EML6: variants seen among roughly 807,000 people sequenced by gnomAD.
EML6 encodes EMAP like 6, also known as echinoderm microtubule-associated protein-like 6.
A neutral mutation model predicts 240.1 loss-of-function variants in EML6; 154 were observed. The observed-to-expected ratio is 0.64, with a 90% CI of 0.56 to 0.73. The LOEUF (loss-of-function observed/expected upper bound fraction) is 0.73, where lower values mean the gene tolerates loss of function less well. EML6 is among the 30% of genes least tolerant of loss of function. The probability of loss-of-function intolerance (pLI) is 0.00; values close to 1 mark genes in which losing one functional copy is unlikely to be tolerated. For missense variants in EML6, 2,964 were observed against 2,474.6 expected, an observed-to-expected ratio of 1.20 and a Z score of -4.20; for synonymous variants, 1,148 against 899.0, an observed-to-expected ratio of 1.28 and a Z score of -4.95.
chr2:54,811,548 C>G (rs892164326), intron 2 of EML6, among the ~76,000 whole-genome samples: 1 of 152,086 alleles, frequency 6.6e-6, no homozygotes, highest in Non-Finnish European at 1.5e-5. Flanking sequence ...ATGTCTCTTT[C>G]CTCTGAAAGT....
At chr2:54,925,073 G>T (rs1674471280) in intron 26 of EML6, among the ~76,000 whole-genome samples, 1 of 152,208 alleles carries the variant, frequency 6.6e-6, no homozygotes, top group African/African-American at 2.4e-5. Flanking sequence ...TGTATTTGGA[G>T]ATAGGTCATT....
At position 54,903,112 on chromosome 2, in the gene EML6, C is replaced by T. The variant is rs921672741; in HGVS notation, c.3193C>T (p.Leu1065=). 14 of 1,551,636 alleles carry T rather than the reference C, an allele frequency of 9.0e-6. No individual in the cohort carries two copies. In the Admixed American group the frequency reaches 1.2e-4, roughly 13 times the overall value. The part of the protein sequence containing the change: ...LAVGLNDGSF[L]VVNADTVEDM... ...GGTTGGCTTGAACGATGGGAGTTTC[C>T]TGGTGGTAAATGCTGACACTGTTGA... Residue 1065 remains leucine (L), a synonymous_variant, in exon 23 of 42, where the codon CTG becomes TTG. Transcript: ENST00000356458.
intron 31 of EML6, among the ~76,000 whole-genome samples, chr2:54,953,440 G>A (rs189293309): frequency 2.3e-4 from 35 of 152,214 alleles, no homozygotes; most frequent in East Asian, 2.1e-3. Context: ...AGTTTCCTTC[G>A]TATAAAATCC....
chr2:54,742,251 T>C (rs1171510110), intron 2 of EML6, among the ~76,000 whole-genome samples: 1 of 152,202 alleles, frequency 6.6e-6, no homozygotes, highest in Non-Finnish European at 1.5e-5. Flanking sequence ...CCATTATCTC[T>C]TGCCACAGCT....
At chr2:54,797,814 A>G (rs1263784438) in intron 2 of EML6, among the ~76,000 whole-genome samples, 1 of 152,192 alleles carries the variant, frequency 6.6e-6, no homozygotes, top group South Asian at 2.1e-4. Context: ...TGGGCAAGTT[A>G]CTTGACTTCT....
chr2:54,872,586 C>T (rs1021036720), intron 16 of EML6, among the ~76,000 whole-genome samples: 2 of 152,190 alleles, frequency 1.3e-5, no homozygotes, highest in African/African-American at 2.4e-5. Flanking sequence ...CATGGATTCC[C>T]CTTGGTTGGC....
chr2:54,830,912 A>T (rs1668837296), intron 7 of EML6, among the ~76,000 whole-genome samples: 1 of 152,206 alleles, frequency 6.6e-6, no homozygotes, highest in Admixed American at 6.5e-5. Context: ...CTAGGCACAG[A>T]GTTTGGCATA....
chr2:54,859,766 A>G, intron 12 of EML6, 65 bp downstream of exon 12: 26 of 1,360,794 alleles, frequency 1.9e-5, no homozygotes, highest in Non-Finnish European at 2.5e-5. Context: ...AGAATGGTCT[A>G]ACATGTATTC....
At chr2:54,865,306 C>T (rs1447195227) in intron 13 of EML6, among the ~76,000 whole-genome samples, 3 of 117,852 alleles carry the variant, frequency 2.5e-5, no homozygotes, top group East Asian at 2.5e-4. Context: ...CTAGTTAACA[C>T]AGTCTCTGTA....
intron 24 of EML6, among the ~76,000 whole-genome samples, chr2:54,908,924 T>C (rs1389425923): frequency 2.0e-5 from 3 of 152,188 alleles, no homozygotes; most frequent in Admixed American, 6.5e-5. Flanking sequence ...ATGTGCTAGA[T>C]AGGGGACCCT....
chr2:54,917,036 C>T (rs1673953826), intron 26 of EML6, 101 bp downstream of exon 26: 1 of 852,402 alleles, frequency 1.2e-6, no homozygotes, highest in African/African-American at 1.7e-5. Flanking sequence ...ATAAGCAATT[C>T]ACATTATCGG....
At chr2:54,887,176 G>C (rs552797814) in intron 17 of EML6, among the ~76,000 whole-genome samples, 1 of 152,168 alleles carries the variant, frequency 6.6e-6, no homozygotes, top group African/African-American at 2.4e-5. Context: ...GGTTCTGGGA[G>C]CATTGACCTG....
intron 2 of EML6, among the ~76,000 whole-genome samples, chr2:54,799,342 T>C (rs537158131): frequency 6.6e-6 from 1 of 152,204 alleles, no homozygotes; most frequent in South Asian, 2.1e-4. Context: ...ATTACAGGCA[T>C]GAGCCACCAC....
chr2:54,953,988 A>G lies in EML6; in HGVS notation c.4318A>G (p.Thr1440Ala), dbSNP rs1157116490. The change falls in exon 32 of 42, where the codon ACA becomes GCA. Residue 1440 changes from threonine (T) to alanine (A), a missense_variant. Coordinates refer to ENST00000356458, the MANE Select transcript of EML6 (RefSeq NM_001039753.4). ...TCATGCCTCTCCACACTCAGGGACA[A>G]CACCTTCCATCCACATATGGGACGC... Reference protein sequence around the residue: ...NVVATSQIGTTPSIHIWDAMT... With the variant: ...NVVATSQIGTAPSIHIWDAMT... 1 of 1,550,716 alleles carries G rather than the reference A, an allele frequency of 6.4e-7. No individual in the cohort carries two copies.
intron 16 of EML6, among the ~76,000 whole-genome samples, chr2:54,873,994 A>G (rs1281785142): frequency 3.3e-5 from 5 of 152,222 alleles, no homozygotes; most frequent in Non-Finnish European, 5.9e-5. Flanking sequence ...GTGTATTAGC[A>G]TATAAATAAA....
intron 17 of EML6, among the ~76,000 whole-genome samples, chr2:54,885,598 A>G (rs1343759094): frequency 6.6e-6 from 1 of 151,916 alleles, no homozygotes; most frequent in Non-Finnish European, 1.5e-5. Context: ...TCCAATATCC[A>G]TATTCACTTT....
At chr2:54,830,043 A>G (rs1668790415) in intron 7 of EML6, among the ~76,000 whole-genome samples, 1 of 152,210 alleles carries the variant, frequency 6.6e-6, no homozygotes, top group South Asian at 2.1e-4. Flanking sequence ...TGAGGATTAA[A>G]TATACTTAGA....
chr2:54,827,271 C>G (rs1317683555), intron 5 of EML6, among the ~76,000 whole-genome samples: 1 of 152,198 alleles, frequency 6.6e-6, no homozygotes, highest in Non-Finnish European at 1.5e-5. Flanking sequence ...CCACTTGATT[C>G]CAACTCTGAG....
At chr2:54,959,778 ATT>A (rs1676410010) in intron 34 of EML6, among the ~76,000 whole-genome samples, 1 of 150,370 alleles carries the variant, frequency 6.7e-6, no homozygotes, top group South Asian at 2.1e-4. Flanking sequence ...AAATTAATAA[ATT>A]AAAAGAAAAT....
Sources: gnomAD v4.1 joint callset for allele counts (sites outside exome capture counted in the v4.1 genomes callset) on GRCh38, gnomAD v4.1.1 for gene constraint, MANE v1.5 for transcripts, NCBI Gene and HGNC (gene_info 2026-07-23, HGNC 2026-07-21) for gene names.